The following DNAJC1 variants were observed in gnomAD, a reference collection of about 807,000 sequenced individuals.
DNAJC1 encodes dnaJ homolog subfamily C member 1.
DNAJC1 carries 58 observed loss-of-function variants against 76.6 expected under a neutral mutation model. The ratio of observed to expected loss-of-function variants is 0.76; its 90% confidence interval spans 0.61 to 0.94. DNAJC1 has a LOEUF of 0.94. Among genes scored for constraint, DNAJC1 ranks in the 40% least tolerant of loss-of-function variants. The pLI, the probability that DNAJC1 is intolerant of heterozygous loss-of-function variation, is 0.00. For missense variants in DNAJC1, 689 were observed against 677.3 expected, an observed-to-expected ratio of 1.02 and a Z score of -0.19; for synonymous variants, 258 against 267.9, an observed-to-expected ratio of 0.96 and a Z score of 0.36.
intron 1 of DNAJC1, among the ~76,000 whole-genome samples, chr10:21,964,986 G>A (rs1837867311): frequency 6.6e-6 from 1 of 151,896 alleles, no homozygotes; most frequent in African/African-American, 2.4e-5. Context: ...TTCTGTTGAT[G>A]GTTCATTTAG....
chr10:21,939,195 A>G (rs1837363940), intron 1 of DNAJC1, among the ~76,000 whole-genome samples: 2 of 152,226 alleles, frequency 1.3e-5, no homozygotes, highest in East Asian at 3.9e-4. Flanking sequence ...GGCCCGCTCA[A>G]AGTAAACTCT....
At chr10:21,870,288 A>G (rs1006735941) in intron 8 of DNAJC1, among the ~76,000 whole-genome samples, 6 of 152,130 alleles carry the variant, frequency 3.9e-5, no homozygotes, top group Non-Finnish European at 1.5e-5. Flanking sequence ...GCAAAACTAG[A>G]AAGAAAACTT....
At chr10:21,804,839 A>G (rs1380814461) in intron 9 of DNAJC1, among the ~76,000 whole-genome samples, 1 of 152,072 alleles carries the variant, frequency 6.6e-6, no homozygotes, top group Non-Finnish European at 1.5e-5. Context: ...AAGCAGGTCC[A>G]TTGCAAAAAC....
At chr10:21,881,728 G>C (rs1836281750) in intron 8 of DNAJC1, among the ~76,000 whole-genome samples, 1 of 149,820 alleles carries the variant, frequency 6.7e-6, no homozygotes, top group Non-Finnish European at 1.5e-5. Flanking sequence ...TGAAAAGTTT[G>C]AAATACCACA....
At chr10:21,781,956 A>C (rs1834534902) in intron 9 of DNAJC1, among the ~76,000 whole-genome samples, 1 of 152,150 alleles carries the variant, frequency 6.6e-6, no homozygotes, top group Non-Finnish European at 1.5e-5. Context: ...GGAAAGATCT[A>C]AAATTGACAC....
intron 1 of DNAJC1, among the ~76,000 whole-genome samples, chr10:21,943,717 C>T (rs1401758735): frequency 1.3e-5 from 2 of 152,132 alleles, no homozygotes; most frequent in Non-Finnish European, 2.9e-5. Flanking sequence ...GTAGCTCTAC[C>T]CTTGAAAGTC....
chr10:21,895,058 A>G (rs757759164), intron 7 of DNAJC1, among the ~76,000 whole-genome samples: 4 of 152,242 alleles, frequency 2.6e-5, no homozygotes, highest in Admixed American at 6.5e-5. Context: ...AAAATAAACT[A>G]AAATAGAAAG....
intron 2 of DNAJC1, among the ~76,000 whole-genome samples, 168 bp from the exon 3 acceptor site, chr10:21,928,720 G>A (rs1837169377): frequency 6.6e-6 from 1 of 152,034 alleles, no homozygotes; most frequent in Non-Finnish European, 1.5e-5. Flanking sequence ...AGTACCTTAA[G>A]AGATTAAAAA....
intron 11 of DNAJC1, among the ~76,000 whole-genome samples, chr10:21,756,988 G>A (rs900025933): frequency 3.3e-5 from 5 of 152,240 alleles, no homozygotes; most frequent in African/African-American, 1.2e-4. Flanking sequence ...TGGAGTGAGG[G>A]GCTGGGGCGG....
At chr10:21,786,835 T>C (rs1834617865) in intron 9 of DNAJC1, among the ~76,000 whole-genome samples, 1 of 152,176 alleles carries the variant, frequency 6.6e-6, no homozygotes, top group Non-Finnish European at 1.5e-5. Flanking sequence ...GTTAATGTTA[T>C]TTTCTGGGTA....
intron 6 of DNAJC1, among the ~76,000 whole-genome samples, chr10:21,907,997 G>C (rs1425224234): frequency 4.4e-4 from 46 of 105,006 alleles, no homozygotes; most frequent in Admixed American, 2.1e-3. Context: ...AAATATATAT[G>C]AAATATATTA....
At chr10:21,769,612 G>A (rs577037148) in intron 9 of DNAJC1, among the ~76,000 whole-genome samples, 1 of 152,284 alleles carries the variant, frequency 6.6e-6, no homozygotes, top group Non-Finnish European at 1.5e-5. Flanking sequence ...CTTTCTAACT[G>A]CCATTAAATC....
chr10:21,802,286 A>G (rs1834822291), intron 9 of DNAJC1, among the ~76,000 whole-genome samples: 1 of 152,150 alleles, frequency 6.6e-6, no homozygotes, highest in Non-Finnish European at 1.5e-5. Flanking sequence ...TATCATGTTT[A>G]TAATTTTGTG....
intron 8 of DNAJC1, among the ~76,000 whole-genome samples, chr10:21,843,209 C>T (rs1326558851): frequency 3.3e-5 from 5 of 152,008 alleles, no homozygotes; most frequent in Non-Finnish European, 5.9e-5. Flanking sequence ...TTCTATTTTT[C>T]GTCACATACA....
At chr10:21,782,861 TA>T (rs1383444049) in intron 9 of DNAJC1, among the ~76,000 whole-genome samples, 1 of 152,208 alleles carries the variant, frequency 6.6e-6, no homozygotes, top group Admixed American at 6.5e-5. Flanking sequence ...CCCTTCATGC[TA>T]AAAACTCTCA....
chr10:21,953,747 T>C (rs895954859), intron 1 of DNAJC1, among the ~76,000 whole-genome samples: 19 of 150,078 alleles, frequency 1.3e-4, no homozygotes, highest in African/African-American at 3.9e-4. Context: ...TAATGAGTTC[T>C]TGCCCTAACC....
At chr10:21,961,051 C>G (rs1179508269) in intron 1 of DNAJC1, among the ~76,000 whole-genome samples, 1 of 152,124 alleles carries the variant, frequency 6.6e-6, no homozygotes, top group African/African-American at 2.4e-5. Flanking sequence ...CAACTACAAT[C>G]ATTATAATTT....
intron 8 of DNAJC1, chr10:21,865,823 G>A (rs1473796735): frequency 6.6e-6 from 1 of 151,902 alleles, no homozygotes; most frequent in Non-Finnish European, 1.5e-5. Flanking sequence ...AGAACATGAA[G>A]TACAAATGGA....
At chr10:21,900,316 C>G (rs907312122) in intron 7 of DNAJC1, among the ~76,000 whole-genome samples, 6 of 149,838 alleles carry the variant, frequency 4.0e-5, no homozygotes, top group Non-Finnish European at 7.4e-5. Flanking sequence ...GCACTTGAGC[C>G]TGGGTGGCAG....
Sources: gnomAD v4.1 joint callset for allele counts (sites outside exome capture counted in the v4.1 genomes callset) on GRCh38, gnomAD v4.1.1 for gene constraint, MANE v1.5 for transcripts, NCBI Gene and HGNC (gene_info 2026-07-23, HGNC 2026-07-21) for gene names.